KATNAL2: variants seen among roughly 807,000 people sequenced by gnomAD.
KATNAL2 encodes katanin p60 ATPase-containing subunit A-like 2.
KATNAL2 carries 52 observed loss-of-function variants against 76.3 expected under a neutral mutation model. The observed-to-expected ratio is 0.68, with a 90% CI of 0.55 to 0.86. The LOEUF (loss-of-function observed/expected upper bound fraction) is 0.86. KATNAL2 is among the 40% of genes least tolerant of loss of function. KATNAL2 has a pLI of 0.00. For synonymous variants in KATNAL2, 243 were observed against 244.2 expected (o/e 1.00, Z 0.05); for missense variants, 660 against 668.9 (o/e 0.99, Z 0.15).
chr18:47,044,213 G>A (rs1270766297), intron 3 of KATNAL2, among the ~76,000 whole-genome samples: 3 of 151,568 alleles, frequency 2.0e-5, no homozygotes, highest in Admixed American at 1.3e-4. Context: ...GAAAAAAAAA[G>A]CAAAAAAAAA....
At chr18:47,068,002 C>G (rs1018349677) in intron 11 of KATNAL2, among the ~76,000 whole-genome samples, 3 of 152,206 alleles carry the variant, frequency 2.0e-5, no homozygotes, top group African/African-American at 7.2e-5. Context: ...CAGTCCTGCT[C>G]ACATGGTGGC....
intron 3 of KATNAL2, among the ~76,000 whole-genome samples, chr18:46,951,040 A>G (rs966149128): frequency 2.0e-5 from 3 of 152,116 alleles, no homozygotes; most frequent in Non-Finnish European, 4.4e-5. Context: ...ACTCACTTTT[A>G]TGAAGATAAG....
chr18:46,931,875 T>A (rs2058933846), intron 1 of KATNAL2, among the ~76,000 whole-genome samples: 1 of 151,874 alleles, frequency 6.6e-6, no homozygotes, highest in Non-Finnish European at 1.5e-5. Flanking sequence ...AATAGACAAA[T>A]CTCTAGCAAG....
chr18:47,068,640 C>T (rs2061891110), intron 11 of KATNAL2, among the ~76,000 whole-genome samples: 1 of 152,188 alleles, frequency 6.6e-6, no homozygotes, highest in Admixed American at 6.5e-5. Flanking sequence ...TCTCTACCAA[C>T]CCTTGCCACC....
At chr18:46,938,798 T>C (rs528520269) in intron 1 of KATNAL2, among the ~76,000 whole-genome samples, 1 of 152,274 alleles carries the variant, frequency 6.6e-6, no homozygotes, top group East Asian at 1.9e-4. Context: ...CAACTCCCTT[T>C]ATCCCTGGTT....
intron 3 of KATNAL2, among the ~76,000 whole-genome samples, chr18:46,954,095 A>C (rs2059650024): frequency 6.6e-6 from 1 of 151,714 alleles, no homozygotes; most frequent in Non-Finnish European, 1.5e-5. Context: ...CCCTTTCTTC[A>C]GGTAGTCCAG....
At chr18:47,054,640 G>A (rs904546613) in intron 6 of KATNAL2, 2 of 626,992 alleles carry the variant, frequency 3.2e-6, no homozygotes, top group African/African-American at 3.7e-5. Flanking sequence ...TGGTTTTACT[G>A]TAAATAAGTA....
At chr18:47,033,231 G>C (rs1310450920) in intron 3 of KATNAL2, 1 of 1,613,716 alleles carries the variant, frequency 6.2e-7, no homozygotes, top group South Asian at 1.1e-5. Context: ...TGCTTCCCGC[G>C]GGCTTGGAGG....
At chr18:46,959,412 G>C (rs1450980597) in intron 3 of KATNAL2, among the ~76,000 whole-genome samples, 3 of 152,126 alleles carry the variant, frequency 2.0e-5, no homozygotes, top group Admixed American at 1.3e-4. Context: ...AGACTAATTA[G>C]ACAACCTGGA....
chr18:47,041,371 C>A (rs1000599333), intron 3 of KATNAL2, among the ~76,000 whole-genome samples: 9 of 152,146 alleles, frequency 5.9e-5, no homozygotes, highest in Admixed American at 2.6e-4. Context: ...CCTTCCTCCC[C>A]GCAACCCCTG....
At chr18:47,057,032 A>G (rs2061491877) in intron 6 of KATNAL2, among the ~76,000 whole-genome samples, 1 of 152,088 alleles carries the variant, frequency 6.6e-6, no homozygotes, top group Non-Finnish European at 1.5e-5. Context: ...TCCACTTCTC[A>G]TGACGCTCTC....
chr18:47,093,040 A>G (rs1365646731), intron 15 of KATNAL2, among the ~76,000 whole-genome samples: 1 of 152,120 alleles, frequency 6.6e-6, no homozygotes, highest in African/African-American at 2.4e-5. Flanking sequence ...TGCTGTTGAG[A>G]AGTCTTATTG....
intron 1 of KATNAL2, among the ~76,000 whole-genome samples, chr18:46,936,435 T>C (rs1441632468): frequency 5.5e-4 from 83 of 152,056 alleles, no homozygotes; most frequent in Non-Finnish European, 2.9e-5. Flanking sequence ...AATTAAGAAA[T>C]ACTTTTCTAC....
intron 6 of KATNAL2, among the ~76,000 whole-genome samples, chr18:47,056,489 G>T (rs2061475111): frequency 6.6e-6 from 1 of 152,168 alleles, no homozygotes; most frequent in Non-Finnish European, 1.5e-5. Context: ...GCACTCCTTA[G>T]AACATTGCAG....
chr18:47,050,040 G>A (rs547377234), intron 4 of KATNAL2, among the ~76,000 whole-genome samples: 49 of 152,162 alleles, frequency 3.2e-4, no homozygotes, highest in South Asian at 6.2e-4. Context: ...TTTTTGTTTC[G>A]TTGTTTTGTT....
In KATNAL2 at chr18:47,058,327, C is replaced by T. The variant is rs750377654; in HGVS notation, c.425C>T (p.Ser142Leu). Residue 142 changes from serine to leucine, a missense_variant, in exon 7 of 18, where the codon TCG becomes TTG. By Grantham distance (145) the Ser-to-Leu change is moderately radical (BLOSUM62 -2). Coordinates refer to ENST00000683218, the MANE Select transcript of KATNAL2 (RefSeq NM_001387690.1). ...GCGGGGAAGACAGGGGACACCAAATCGCTCAATAAGGAGCATCCTAATCAG... is the reference window on the plus strand; with the variant it reads ...GCGGGGAAGACAGGGGACACCAAATTGCTCAATAAGGAGCATCCTAATCAG... Reference protein sequence around the residue: ...TTAGKTGDTKSLNKEHPNQEV... With the variant: ...TTAGKTGDTKLLNKEHPNQEV... 5.6e-5 allele frequency: 90 copies of T among 1,613,064 alleles called. No homozygotes were observed. Among genetic ancestry groups the T allele is most frequent in the Non-Finnish European group, 6.7e-5 (79 of 1,179,166 alleles).
rs556018192 is a variant in KATNAL2 at position 47,063,553 on chromosome 18, A to C, written c.726+192A>C. Among the ~76,000 whole-genome samples the C allele has an allele frequency of 1.1e-3, 168 of 152,346 alleles. 1 individual carries two copies. Among genetic ancestry groups the C allele is most frequent in the African/African-American group, 3.8e-3 (159 of 41,570 alleles). On this transcript the variant is annotated intron_variant, in intron 10 of 17. Coordinates refer to ENST00000683218, the MANE Select transcript of KATNAL2 (RefSeq NM_001387690.1). ...ATAAATTATAGAGTCATAAAATTAC[A>C]ATATACAAACCCCACCATCTCATGA... is the stretch of plus-strand genomic sequence containing the variant.
Position 47,058,315 on chromosome 18 carries a change from G to A in KATNAL2, c.413G>A (p.Gly138Glu), listed in dbSNP as rs775240150. The A allele has an allele frequency of 6.2e-7, 1 of 1,613,940 alleles. No homozygotes were observed. The stretch of plus-strand genomic sequence containing the variant: ...TCCAAAACCACAGCGGGGAAGACAG[G>A]GGACACCAAATCGCTCAATAAGGAG... ...PRSKTTAGKT[G>E]DTKSLNKEHP... Residue 138 changes from glycine (G) to glutamate (E), a missense_variant, in exon 7 of 18, where the codon GGG becomes GAG. By Grantham distance (98) the Gly-to-Glu change is moderately conservative (BLOSUM62 -2). Transcript: ENST00000683218.
chr18:47,049,776 C>T (rs2061282936), intron 4 of KATNAL2, among the ~76,000 whole-genome samples: 1 of 152,138 alleles, frequency 6.6e-6, no homozygotes, highest in African/African-American at 2.4e-5. Flanking sequence ...GTGCAGTTGC[C>T]CAATCATGGC....
Sources: allele counts gnomAD v4.1 joint callset (sites outside exome capture counted in the v4.1 genomes callset), GRCh38; gene constraint gnomAD v4.1.1; transcripts MANE v1.5; gene names NCBI Gene and HGNC (gene_info 2026-07-23, HGNC 2026-07-21).